The following ARSG variants were observed in gnomAD, a reference collection of about 807,000 sequenced individuals.
The protein encoded by ARSG is ASG.
Under a neutral mutation model 50.5 loss-of-function variants are expected in ARSG, and 37 were observed. The ratio of observed to expected loss-of-function variants is 0.73; its 90% CI spans 0.56 to 0.96. ARSG has a LOEUF of 0.96. Among genes scored for constraint, ARSG ranks in the 50% least tolerant of loss-of-function variants. The pLI is 0.00. For synonymous variants in ARSG, 225 were observed against 254.6 expected (o/e 0.88, Z 1.11); for missense variants, 629 against 675.3 (o/e 0.93, Z 0.76).
At chr17:68,423,130 G>A (rs998620704), downstream of ARSG, among the ~76,000 whole-genome samples, 5 of 152,186 alleles carry the variant, frequency 3.3e-5, no homozygotes, top group African/African-American at 1.2e-4. This position sits in a 1 kb window ranked among gnomAD's most constrained non-coding sequence, Gnocchi z 4.4. Context: ...TAACCAAGCT[G>A]AGACTCCAAG....
the ARSG span, chr17:68,444,623 C>T: frequency 6.9e-5 from 109 of 1,574,984 alleles, no homozygotes; most frequent in Non-Finnish European, 9.3e-5. Flanking sequence ...TCTACCGAAC[C>T]GTTCCTTACA....
At chr17:68,276,605 T>G (rs2075530413) in intron 1 of ARSG, among the ~76,000 whole-genome samples, 1 of 152,098 alleles carries the variant, frequency 6.6e-6, no homozygotes, top group African/African-American at 2.4e-5. Flanking sequence ...TGTACCACCA[T>G]GCCCGGCCAA....
At chr17:68,430,331 A>G in the ARSG span, among the ~76,000 whole-genome samples, 1 of 152,286 alleles carries the variant, frequency 6.6e-6, no homozygotes, top group South Asian at 2.1e-4. Flanking sequence ...TTCTGGCAAT[A>G]ACTAAAGAGC....
rs770292731 is a variant in ARSG at position 68,417,733 on chromosome 17, A to ATTTTTTTTTTTTT, written c.1304-2436_1304-2424dup. Among the ~76,000 whole-genome samples the ATTTTTTTTTTTTT allele has an allele frequency of 4.6e-4, 28 of 60,832 alleles. 6 individuals are homozygous for ATTTTTTTTTTTTT. The highest frequency in any genetic ancestry group is 6.2e-4 in the African/African-American group (10 of 16,164). 39.9% of individuals were successfully genotyped at this position (60,832 alleles called of 152,430 possible). A position where few individuals can be genotyped will look rare whatever the true frequency, so the allele number is the denominator to read the frequency against. On this transcript the variant is annotated intron_variant, in intron 11 of 11. Coordinates refer to ENST00000621439, the MANE Select transcript of ARSG (RefSeq NM_001267727.2). ...CAAAAGACCTAATAAGAGTTGCTGA[A>ATTTTTTTTTTTTT]TTTTTTTTTTTTTTTTTTTTTTTTT...
chr17:68,260,437 T>G (rs1233050914), intron 1 of ARSG, among the ~76,000 whole-genome samples: 1 of 152,184 alleles, frequency 6.6e-6, no homozygotes, highest in Non-Finnish European at 1.5e-5. Flanking sequence ...TGCTCAAAGT[T>G]GGAGAAATCA....
chr17:68,387,133 ATTTAT>A (rs2080769690), intron 9 of ARSG, among the ~76,000 whole-genome samples: 1 of 150,236 alleles, frequency 6.7e-6, no homozygotes, highest in Non-Finnish European at 1.5e-5. Flanking sequence ...CTTTTATTTT[ATTTAT>A]TTTGTTAAGA....
At chr17:68,335,361 G>T (rs1345336749) in intron 2 of ARSG, among the ~76,000 whole-genome samples, 1 of 151,996 alleles carries the variant, frequency 6.6e-6, no homozygotes, top group Non-Finnish European at 1.5e-5. Context: ...AGACCATCCT[G>T]GCTAACACGG....
chr17:68,405,941 ATGAG>A (rs1293503542), intron 11 of ARSG, among the ~76,000 whole-genome samples: 1 of 152,074 alleles, frequency 6.6e-6, no homozygotes, highest in Non-Finnish European at 1.5e-5. Flanking sequence ...GTTTGGTTAC[ATGAG>A]TAAGTTCTTT....
chr17:68,338,325 T>G lies in ARSG; in HGVS notation c.219-5279T>G, dbSNP rs556458438. Among the ~76,000 whole-genome samples, 6 of 152,266 alleles carry G rather than the reference T, an allele frequency of 3.9e-5. No individual in the cohort carries two copies. In the South Asian group the frequency reaches 1.0e-3, roughly 26 times the overall value. ...TTCATTTTTCTGTCCTCCCTTACAT[T>G]AGGCCAGGGGGACTGGGCACATTTT... is the stretch of plus-strand genomic sequence containing the variant. On this transcript the variant is annotated intron_variant, in intron 2 of 11. Transcript: ENST00000621439.
chr17:68,324,190 C>T (rs73355966), intron 2 of ARSG, among the ~76,000 whole-genome samples: 10 of 152,180 alleles, frequency 6.6e-5, no homozygotes, highest in African/African-American at 2.4e-4. Flanking sequence ...AGTCCACACT[C>T]ACTAAGGCAA....
chr17:68,280,785 T>C (rs575352134), intron 1 of ARSG, among the ~76,000 whole-genome samples: 7 of 152,274 alleles, frequency 4.6e-5, no homozygotes, highest in African/African-American at 1.7e-4. Context: ...GAAATAAACA[T>C]GGGATTATAT....
At chr17:68,315,972 A>G (rs1555768385) in intron 2 of ARSG, among the ~76,000 whole-genome samples, 1 of 152,188 alleles carries the variant, frequency 6.6e-6, no homozygotes, top group Non-Finnish European at 1.5e-5. Flanking sequence ...TGGTTGATGC[A>G]ACCATCGTTC....
chr17:68,421,677 C>G, downstream of ARSG: 2 of 1,561,094 alleles, frequency 1.3e-6, no homozygotes. Flanking sequence ...GCCCCCCTTT[C>G]TGCTCACACA....
chr17:68,389,987 T>C (rs2080917453), intron 9 of ARSG, among the ~76,000 whole-genome samples: 1 of 151,996 alleles, frequency 6.6e-6, no homozygotes, highest in South Asian at 2.1e-4. Context: ...TCTTTCTTTC[T>C]TTCTTTCTTT....
At chr17:68,389,434 CCTCATGTCTCCACGGCTGAG>C (rs2080888671) in intron 9 of ARSG, among the ~76,000 whole-genome samples, 1 of 151,952 alleles carries the variant, frequency 6.6e-6, no homozygotes, top group Admixed American at 6.6e-5. Flanking sequence ...TAGGCTTGCC[CCTCATGTCTCCACGGCTGAG>C]ACCAGGAAGG....
intron 8 of ARSG, among the ~76,000 whole-genome samples, chr17:68,372,591 A>C (rs2079903017): frequency 6.6e-6 from 1 of 152,208 alleles, no homozygotes; most frequent in Admixed American, 6.5e-5. Flanking sequence ...CATCATGAGA[A>C]CAGCAAAGGG....
intron 9 of ARSG, among the ~76,000 whole-genome samples, chr17:68,390,782 C>G (rs974760473): frequency 6.6e-6 from 1 of 152,072 alleles, no homozygotes; most frequent in Non-Finnish European, 1.5e-5. Flanking sequence ...TGCCACCATG[C>G]CTGGCTAATT....
chr17:68,354,181 G>A (rs929774020), intron 5 of ARSG, among the ~76,000 whole-genome samples: 2 of 151,692 alleles, frequency 1.3e-5, no homozygotes, highest in African/African-American at 4.8e-5. Flanking sequence ...AGCACTTTGG[G>A]AGGCTGAGGT....
At chr17:68,402,805 A>G (rs1368859735) in intron 11 of ARSG, among the ~76,000 whole-genome samples, 5 of 152,184 alleles carry the variant, frequency 3.3e-5, no homozygotes, top group Non-Finnish European at 5.9e-5. Flanking sequence ...GATTACAGGC[A>G]TGAGCCACCT....
Sources: allele counts gnomAD v4.1 joint callset (sites outside exome capture counted in the v4.1 genomes callset), GRCh38; gene constraint gnomAD v4.1.1; non-coding constraint Gnocchi (gnomAD v3.1); transcripts MANE v1.5; gene names NCBI Gene and HGNC (gene_info 2026-07-23, HGNC 2026-07-21).